FGGY: variants seen among roughly 807,000 people sequenced by gnomAD.
FGGY encodes the protein FGGY carbohydrate kinase domain containing.
Under a neutral mutation model 71.3 loss-of-function variants are expected in FGGY, and 72 were observed. That is an observed-to-expected ratio of 1.01 (90% CI 0.84 to 1.23). The LOEUF (loss-of-function observed/expected upper bound fraction) is 1.23, where lower values mean the gene tolerates loss of function less well. Among genes scored for constraint, FGGY ranks in the 50% most tolerant of loss-of-function variants. FGGY has a pLI of 0.00. For synonymous variants in FGGY, 251 were observed against 250.3 expected, an observed-to-expected ratio of 1.00 and a Z score of -0.02; for missense variants, 668 against 682.3, an observed-to-expected ratio of 0.98 and a Z score of 0.23.
At chr1:59,719,263 T>C (rs1489970701) in intron 14 of FGGY, among the ~76,000 whole-genome samples, 1 of 152,236 alleles carries the variant, frequency 6.6e-6, no homozygotes, top group Non-Finnish European at 1.5e-5. Context: ...CAGAACTTTT[T>C]TTTTTAAGTG....
intron 7 of FGGY, among the ~76,000 whole-genome samples, chr1:59,527,863 A>G (rs767604299): frequency 1.4e-4 from 22 of 152,238 alleles, no homozygotes; most frequent in Non-Finnish European, 2.2e-4. Context: ...GATTATTTCA[A>G]TTTAAACTTA....
intron 1 of FGGY, among the ~76,000 whole-genome samples, chr1:59,311,389 C>G (rs1400588681): frequency 6.6e-6 from 1 of 152,016 alleles, no homozygotes; most frequent in Non-Finnish European, 1.5e-5. Context: ...GTTCCCTCCC[C>G]TCGTCCCCCC....
chr1:59,505,493 T>C (rs1355670242), intron 6 of FGGY, among the ~76,000 whole-genome samples: 1 of 152,188 alleles, frequency 6.6e-6, no homozygotes, highest in Non-Finnish European at 1.5e-5. Context: ...GATTGGCCTC[T>C]TGACTTTGGC....
chr1:59,567,453 T>G (rs1356743244), intron 8 of FGGY, among the ~76,000 whole-genome samples: 1 of 152,168 alleles, frequency 6.6e-6, no homozygotes, highest in East Asian at 1.9e-4. Context: ...TTCTGTTGGT[T>G]GAGGAAATAT....
At chr1:59,630,050 G>A (rs1487310820) in intron 10 of FGGY, among the ~76,000 whole-genome samples, 1 of 152,102 alleles carries the variant, frequency 6.6e-6, no homozygotes, top group Non-Finnish European at 1.5e-5. Context: ...TACAGTCATG[G>A]TGGAAGGGGA....
intron 7 of FGGY, among the ~76,000 whole-genome samples, chr1:59,518,770 G>A (rs770464816): frequency 8.5e-5 from 13 of 152,146 alleles, no homozygotes; most frequent in Non-Finnish European, 1.9e-4. Context: ...CCCAGAAGCC[G>A]AGCAGACACC....
intron 7 of FGGY, among the ~76,000 whole-genome samples, chr1:59,518,696 C>T (rs569342589): frequency 3.3e-5 from 5 of 152,172 alleles, no homozygotes; most frequent in Admixed American, 6.5e-5. Flanking sequence ...GCTTCTGCTC[C>T]GGCCATGTGA....
intron 14 of FGGY, among the ~76,000 whole-genome samples, chr1:59,682,528 G>A (rs533682945): frequency 2.8e-4 from 42 of 152,314 alleles, no homozygotes; most frequent in Admixed American, 2.0e-4. Flanking sequence ...CTGTAGAGGC[G>A]AGGGAAAAGT....
At chr1:59,471,667 C>T (rs1350920422) in intron 6 of FGGY, among the ~76,000 whole-genome samples, 4 of 152,180 alleles carry the variant, frequency 2.6e-5, no homozygotes, top group African/African-American at 9.7e-5. Context: ...AGTCATGCAT[C>T]CAGCCAACCA....
chr1:59,611,890 A>G (rs1180192784), intron 9 of FGGY, among the ~76,000 whole-genome samples: 1 of 152,244 alleles, frequency 6.6e-6, no homozygotes, highest in Non-Finnish European at 1.5e-5. Context: ...ACTGGAAGAA[A>G]AGGTATCAGT....
intron 5 of FGGY, among the ~76,000 whole-genome samples, chr1:59,420,133 C>T (rs899169381): frequency 6.6e-6 from 1 of 152,160 alleles, no homozygotes. Context: ...GCTTTGGGCC[C>T]TTCACAAGGC....
chr1:59,655,756 A>G (rs72666268), intron 11 of FGGY, among the ~76,000 whole-genome samples: 12,196 of 152,270 alleles, frequency 0.08, 625 homozygotes, highest in Non-Finnish European at 0.12. Flanking sequence ...TTACTGAAAA[A>G]AGTAATTCAC....
chr1:59,535,575 G>C (rs1260642268), intron 7 of FGGY, among the ~76,000 whole-genome samples: 4 of 151,864 alleles, frequency 2.6e-5, no homozygotes, highest in East Asian at 1.9e-4. Flanking sequence ...TGACCACATA[G>C]TTGGAAGCAA....
chr1:59,317,878 G>C (rs1055411377), intron 1 of FGGY, among the ~76,000 whole-genome samples: 1 of 152,224 alleles, frequency 6.6e-6, no homozygotes, highest in Non-Finnish European at 1.5e-5. Context: ...CTGGTAATAA[G>C]TTATAGAAAT....
At chr1:59,511,425 G>A (rs2094515275) in intron 6 of FGGY, among the ~76,000 whole-genome samples, 1 of 150,406 alleles carries the variant, frequency 6.6e-6, no homozygotes, top group African/African-American at 2.5e-5. Context: ...TCCCTGCAGT[G>A]CAGAAATACT....
chr1:59,570,245 GCT>G (rs1443763267), intron 8 of FGGY, among the ~76,000 whole-genome samples: 1 of 152,194 alleles, frequency 6.6e-6, no homozygotes, highest in East Asian at 1.9e-4. Flanking sequence ...ACTGCTTTAA[GCT>G]CTTTCAGAGT....
chr1:59,685,191 A>G (rs1484155076), intron 14 of FGGY, among the ~76,000 whole-genome samples: 1 of 152,088 alleles, frequency 6.6e-6, no homozygotes, highest in Non-Finnish European at 1.5e-5. Flanking sequence ...GACGCTTCTC[A>G]AGGATGTCCG....
intron 5 of FGGY, among the ~76,000 whole-genome samples, chr1:59,441,985 C>T (rs2070024242): frequency 6.6e-6 from 1 of 152,202 alleles, no homozygotes; most frequent in Non-Finnish European, 1.5e-5. Context: ...CAAGCTGCTA[C>T]TCCCAAGTGA....
intron 6 of FGGY, among the ~76,000 whole-genome samples, chr1:59,501,156 G>A (rs950552078): frequency 3.3e-5 from 5 of 152,144 alleles, no homozygotes; most frequent in East Asian, 3.8e-4. Context: ...TAGTCCAGAC[G>A]AGAAACCAAC....
Sources: gnomAD v4.1 joint callset for allele counts (sites outside exome capture counted in the v4.1 genomes callset) on GRCh38, gnomAD v4.1.1 for gene constraint, MANE v1.5 for transcripts, NCBI Gene and HGNC (gene_info 2026-07-23, HGNC 2026-07-21) for gene names.